The following DTNA variants were observed in gnomAD, a reference collection of about 807,000 sequenced individuals.
DTNA encodes dystrobrevin alpha.
DTNA carries 43 observed loss-of-function variants against 100.7 expected under a neutral mutation model. The observed-to-expected ratio is 0.43, with a 90% confidence interval of 0.33 to 0.55. The LOEUF is 0.55. Among genes scored for constraint, DTNA ranks in the 20% least tolerant of loss-of-function variants. The pLI is 0.04. For synonymous variants in DTNA, 349 were observed against 347.9 expected (o/e 1.00, Z -0.04); for missense variants, 798 against 953.9 (o/e 0.84, Z 2.15).
chr18:34,557,171 G>T (rs1355982473), intron 1 of DTNA, among the ~76,000 whole-genome samples: 1 of 149,018 alleles, frequency 6.7e-6, no homozygotes, highest in Non-Finnish European at 1.5e-5. Flanking sequence ...GGCTCCTGAG[G>T]CTTCTGCATT....
intron 1 of DTNA, among the ~76,000 whole-genome samples, chr18:34,568,848 T>G (rs1355807380): frequency 6.6e-6 from 1 of 152,170 alleles, no homozygotes; most frequent in African/African-American, 2.4e-5. Context: ...GGTCTCAACC[T>G]CAGGTGATCC....
At chr18:34,728,923 G>T (rs1478955247) in intron 1 of DTNA, among the ~76,000 whole-genome samples, 3 of 152,098 alleles carry the variant, frequency 2.0e-5, no homozygotes, top group Non-Finnish European at 4.4e-5. Flanking sequence ...TGTGTGTACA[G>T]CCCTGAATGG....
intron 1 of DTNA, among the ~76,000 whole-genome samples, chr18:34,530,682 C>G (rs1046163620): frequency 6.6e-6 from 1 of 152,092 alleles, no homozygotes; most frequent in Admixed American, 6.6e-5. Flanking sequence ...ACCCCTCCAA[C>G]AGTGCTTTGA....
At chr18:34,819,806 C>A (rs565511209) in intron 8 of DTNA, among the ~76,000 whole-genome samples, 2 of 152,012 alleles carry the variant, frequency 1.3e-5, no homozygotes, top group South Asian at 4.2e-4. Flanking sequence ...ATTTCTTGAG[C>A]AATGCTCTTA....
chr18:34,860,813 C>T (rs551654312), intron 16 of DTNA, among the ~76,000 whole-genome samples: 2 of 152,280 alleles, frequency 1.3e-5, no homozygotes, highest in South Asian at 2.1e-4. Flanking sequence ...GCTAATCTGA[C>T]GCTTTGCTGC....
intron 11 of DTNA, among the ~76,000 whole-genome samples, chr18:34,836,647 C>CA (rs749690995): frequency 0.1 from 5,132 of 50,016 alleles, 417 homozygotes; most frequent in African/African-American, 0.24. Flanking sequence ...GACTCTGTCT[C>CA]AAAAAAAAAA....
At chr18:34,695,456 T>C (rs2080390555) in intron 1 of DTNA, among the ~76,000 whole-genome samples, 1 of 152,204 alleles carries the variant, frequency 6.6e-6, no homozygotes, top group African/African-American at 2.4e-5. Context: ...GTGTGTAACA[T>C]ACACAGCCTT....
intron 12 of DTNA, 23 bp downstream of exon 12, chr18:34,838,194 TGG>T (rs760387174): frequency 7.6e-5 from 122 of 1,612,490 alleles, no homozygotes; most frequent in Non-Finnish European, 9.9e-5. Context: ...CAGAGTGTAC[TGG>T]AACCCTGCAT....
At chr18:34,568,563 T>C (rs190361658) in intron 1 of DTNA, among the ~76,000 whole-genome samples, 198 of 152,310 alleles carry the variant, frequency 1.3e-3, no homozygotes, top group African/African-American at 4.6e-3. Context: ...CATAAAAGTC[T>C]CAATTTATTA....
chr18:34,851,713 C>T (rs1195342303), intron 14 of DTNA, 118 bp from the exon 15 acceptor site: 1 of 1,163,500 alleles, frequency 8.6e-7, no homozygotes, highest in African/African-American at 1.5e-5. Context: ...TATTTGCTTT[C>T]TTTGTTTTGA....
intron 1 of DTNA, among the ~76,000 whole-genome samples, chr18:34,627,504 C>A (rs1292688699): frequency 6.6e-6 from 1 of 152,178 alleles, no homozygotes; most frequent in Admixed American, 6.5e-5. Context: ...CCCACATATC[C>A]ATTCAAGATA....
intron 3 of DTNA, among the ~76,000 whole-genome samples, chr18:34,769,418 AC>A (rs1221542308): frequency 1.3e-5 from 2 of 152,164 alleles, no homozygotes; most frequent in African/African-American, 4.8e-5. Context: ...AATAAACCTA[AC>A]CCACAATAAA....
intron 1 of DTNA, among the ~76,000 whole-genome samples, chr18:34,681,021 C>A (rs1245837385): frequency 6.6e-6 from 1 of 152,096 alleles, no homozygotes; most frequent in South Asian, 2.1e-4. Flanking sequence ...CTACCTCTTC[C>A]CTTTTGTCCC....
chr18:34,674,729 A>G (rs960643217), intron 1 of DTNA, among the ~76,000 whole-genome samples: 2 of 152,368 alleles, frequency 1.3e-5, no homozygotes, highest in Non-Finnish European at 2.9e-5. Context: ...TATTCAAACA[A>G]GCATTTAGTG....
chr18:34,794,039 C>T lies in DTNA; in HGVS notation c.151C>T (p.His51Tyr), dbSNP rs746706975. 11 of 1,613,662 alleles carry T rather than the reference C, an allele frequency of 6.8e-6. No homozygotes were observed. The highest frequency in any genetic ancestry group is 9.3e-6 in the Non-Finnish European group (11 of 1,179,886). The change falls in exon 4 of 23, where the codon CAC becomes TAC. Residue 51 changes from histidine (H) to tyrosine (Y), a missense_variant and splice_region_variant. This residue lies in a region of DTNA where 197 missense variants were observed against 215.4 expected (regional missense o/e 0.91). Coordinates refer to ENST00000444659, the MANE Select transcript of DTNA (RefSeq NM_001386795.1). The stretch of plus-strand genomic sequence containing the variant: ...TGTTAACTCTGCTTTAATTGTAGTG[C>T]ACCTGGTGGACATATGGAATGTCAT... The part of the protein sequence containing the change: ...LRFVQKKCNL[H>Y]LVDIWNVIEA...
chr18:34,518,307 G>C (rs1174781021), intron 1 of DTNA, among the ~76,000 whole-genome samples: 5 of 152,122 alleles, frequency 3.3e-5, no homozygotes, highest in Admixed American at 2.0e-4. Context: ...GGTTTTGAGA[G>C]TCCATTTTAT....
intron 1 of DTNA, among the ~76,000 whole-genome samples, chr18:34,548,012 A>G (rs1479963917): frequency 6.6e-6 from 1 of 152,194 alleles, no homozygotes; most frequent in African/African-American, 2.4e-5. Context: ...AGATTCACAT[A>G]AACATAGCTA....
At position 34,639,934 on chromosome 18, in the gene DTNA, C is replaced by G. The variant is rs2730120; in HGVS notation, c.-1-116042C>G. ...TTCTGTTTTTATTTGGACACATTTC[C>G]CTGAGATTTACTGAGATGGGATTAG... On this transcript the variant is annotated intron_variant, in intron 1 of 19. Coordinates refer to the DTNA transcript ENST00000283365. Among the ~76,000 whole-genome samples the G allele has an allele frequency of 9.3e-4, 142 of 152,224 alleles. 2 individuals are homozygous for G. The highest frequency in any genetic ancestry group is 3.3e-3 in the African/African-American group (136 of 41,536).
At chr18:34,756,151 C>G (rs2092753807) in intron 2 of DTNA, 108 bp downstream of exon 2, 2 of 1,313,968 alleles carry the variant, frequency 1.5e-6, no homozygotes, top group South Asian at 1.3e-5. Flanking sequence ...CCTTAGGATC[C>G]TAAGTTCCTT....
Sources: allele counts gnomAD v4.1 joint callset (sites outside exome capture counted in the v4.1 genomes callset), GRCh38; gene constraint gnomAD v4.1.1; regional missense constraint gnomAD v4.1.1; transcripts MANE v1.5; gene names NCBI Gene and HGNC (gene_info 2026-07-23, HGNC 2026-07-21).